Variants in ADAM18 observed in about 807,000 individuals in gnomAD.
ADAM18 encodes the protein disintegrin and metalloproteinase domain-containing protein 18.
Under a neutral mutation model 94.4 loss-of-function variants are expected in ADAM18, and 117 were observed. The observed-to-expected ratio is 1.24, with a 90% confidence interval of 1.07 to 1.45. ADAM18 has a LOEUF of 1.45. Among genes scored for constraint, ADAM18 ranks in the 40% most tolerant of loss-of-function variants. The pLI is 0.00. For missense variants in ADAM18, 936 were observed against 880.0 expected (o/e 1.06, Z -0.81); for synonymous variants, 327 against 291.6 (o/e 1.12, Z -1.24).
intron 14 of ADAM18, among the ~76,000 whole-genome samples, chr8:39,672,328 T>G (rs1272637901): frequency 1.3e-5 from 2 of 152,148 alleles, no homozygotes; most frequent in African/African-American, 4.8e-5. Context: ...CACTCACCGG[T>G]AGCAATGGAT....
chr8:39,685,456 C>T (rs1821583824), intron 16 of ADAM18: 1 of 152,292 alleles, frequency 6.6e-6, no homozygotes. Context: ...CCTCTTTTGA[C>T]ATAGATCTGC....
chr8:39,708,037 A>G (rs183580498), intron 18 of ADAM18, among the ~76,000 whole-genome samples: 1 of 152,300 alleles, frequency 6.6e-6, no homozygotes, highest in African/African-American at 2.4e-5. Flanking sequence ...TACGGCATGT[A>G]TTCGTTGGAC....
At position 39,730,060 on chromosome 8, in the gene ADAM18, C is replaced by T. The variant is rs1823029665; in HGVS notation, c.*120C>T. 2.2e-6 allele frequency: 2 copies of T among 928,514 alleles called. No homozygotes were observed. Among genetic ancestry groups the T allele is most frequent in the East Asian group, 2.5e-5 (1 of 40,672 alleles). 57.5% of individuals were successfully genotyped at this position (928,514 alleles called of 1,614,324 possible). ...TTTTGGAAAATAAAGCCTGCGTGCC[C>T]TCCCATGTGCCTCCTCCAGTGCCTC... On this transcript the variant is annotated 3_prime_UTR_variant, in exon 20 of 20. Transcript: ENST00000265707.
intron 2 of ADAM18, among the ~76,000 whole-genome samples, chr8:39,604,969 C>T (rs969689688): frequency 6.6e-6 from 1 of 151,996 alleles, no homozygotes; most frequent in African/African-American, 2.4e-5. Flanking sequence ...TGTGTCAGAC[C>T]TTTTGCTGCC....
intron 12 of ADAM18, among the ~76,000 whole-genome samples, chr8:39,649,413 A>AT (rs1226714331): frequency 6.6e-6 from 1 of 151,880 alleles, no homozygotes; most frequent in African/African-American, 2.4e-5. Flanking sequence ...ATTATCTCAT[A>AT]TTTTCCCATG....
At chr8:39,661,844 G>T (rs1486637761) in intron 12 of ADAM18, among the ~76,000 whole-genome samples, 1 of 151,846 alleles carries the variant, frequency 6.6e-6, no homozygotes, top group East Asian at 1.9e-4. Flanking sequence ...AAAAATGGAG[G>T]ATATTTATGA....
chr8:39,691,260 C>T (rs944945350), intron 16 of ADAM18, among the ~76,000 whole-genome samples: 8 of 152,078 alleles, frequency 5.3e-5, no homozygotes, highest in South Asian at 4.2e-4. Flanking sequence ...ACGTATACAA[C>T]GTATAATGAT....
rs151274702 is a variant in ADAM18, at chr8:39,622,675, T to G, written c.523-6699T>G. On this transcript the variant is annotated intron_variant, in intron 6 of 19. Coordinates refer to ENST00000265707, the MANE Select transcript of ADAM18 (RefSeq NM_014237.3). ...ATAATACAATCAAACTTATTAATTT[T>G]TCATTTCATGTCTTATTTAATGCTA... 2.9e-3 allele frequency among the ~76,000 whole-genome samples: 441 copies of G among 152,218 alleles called. 6 individuals are homozygous for G. Among genetic ancestry groups the G allele is most frequent in the African/African-American group, 0.01 (423 of 41,554 alleles).
intron 18 of ADAM18, among the ~76,000 whole-genome samples, chr8:39,715,271 A>G (rs1229679095): frequency 6.6e-6 from 1 of 152,060 alleles, no homozygotes; most frequent in African/African-American, 2.4e-5. Flanking sequence ...AATAATTTTG[A>G]ACTAAATAAA....
intron 2 of ADAM18, among the ~76,000 whole-genome samples, chr8:39,597,816 A>G (rs192435574): frequency 2.0e-5 from 3 of 152,352 alleles, no homozygotes; most frequent in South Asian, 2.1e-4. Context: ...CGATATTTGC[A>G]AAATAACTAA....
intron 11 of ADAM18, among the ~76,000 whole-genome samples, 173 bp from the exon 12 acceptor site, chr8:39,648,171 G>A (rs1488389411): frequency 6.6e-6 from 1 of 152,184 alleles, no homozygotes; most frequent in African/African-American, 2.4e-5. Context: ...AATTTTTTAA[G>A]AGAATGTTAA....
At chr8:39,720,043 C>G (rs1822703922) in intron 18 of ADAM18, among the ~76,000 whole-genome samples, 1 of 145,838 alleles carries the variant, frequency 6.9e-6, no homozygotes, top group Admixed American at 7.1e-5. Context: ...TAGATAACAT[C>G]TGGAAACAAT....
intron 18 of ADAM18, among the ~76,000 whole-genome samples, chr8:39,711,148 A>C (rs1380207811): frequency 6.6e-6 from 1 of 152,220 alleles, no homozygotes; most frequent in African/African-American, 2.4e-5. Context: ...TTACCTGAAC[A>C]AAAACTCTGG....
intron 2 of ADAM18, among the ~76,000 whole-genome samples, chr8:39,592,167 G>A (rs1011361573): frequency 1.3e-5 from 2 of 152,100 alleles, no homozygotes; most frequent in Non-Finnish European, 1.5e-5. Flanking sequence ...TTGTTAGAAC[G>A]GTCACTGAGT....
chr8:39,677,502 T>G lies in ADAM18; in HGVS notation c.1597T>G (p.Phe533Val). The stretch of plus-strand genomic sequence containing the variant: ...GCATGAAAGATCTGAAAACTGTGGT[T>G]TTAAAAATTCACAACCATTACCTTG... The part of the protein sequence containing the change: ...SLHERSENCG[F>V]KNSQPLPCER... The change falls in exon 15 of 20, where the codon TTT becomes GTT. Residue 533 changes from phenylalanine (F) to valine (V), a missense_variant. By Grantham distance (50) the Phe-to-Val change is conservative. Transcript: ENST00000265707. 2 of 1,610,396 alleles carry G rather than the reference T, an allele frequency of 1.2e-6. No homozygotes were observed. The highest frequency in any genetic ancestry group is 1.7e-6 in the Non-Finnish European group (2 of 1,179,154).
intron 12 of ADAM18, among the ~76,000 whole-genome samples, chr8:39,649,446 T>A (rs1820467429): frequency 6.6e-6 from 1 of 152,164 alleles, no homozygotes. Context: ...TCTGATAAGC[T>A]GTACTGTGCT....
intron 17 of ADAM18, among the ~76,000 whole-genome samples, chr8:39,693,351 A>G (rs531233469): frequency 6.6e-5 from 10 of 151,620 alleles, no homozygotes; most frequent in Admixed American, 1.3e-4. Flanking sequence ...CTACATTGTC[A>G]GTAATTTGCC....
At chr8:39,586,777 T>TATC (rs1483410514) in intron 2 of ADAM18, among the ~76,000 whole-genome samples, 35 of 128,354 alleles carry the variant, frequency 2.7e-4, no homozygotes, top group Non-Finnish European at 3.3e-4. Flanking sequence ...TCTATCTATC[T>TATC]ATCTATCTAT....
chr8:39,599,743 A>T (rs976985092), intron 2 of ADAM18, among the ~76,000 whole-genome samples: 15 of 152,158 alleles, frequency 9.9e-5, no homozygotes, highest in African/African-American at 3.6e-4. Flanking sequence ...ATGTAGAACT[A>T]AATTAAATTT....
Sources: allele counts gnomAD v4.1 joint callset (sites outside exome capture counted in the v4.1 genomes callset), GRCh38; gene constraint gnomAD v4.1.1; transcripts MANE v1.5; gene names NCBI Gene and HGNC (gene_info 2026-07-23, HGNC 2026-07-21).